The following EPB41L4A variants were observed in gnomAD, a reference collection of about 807,000 sequenced individuals.
The protein encoded by EPB41L4A is erythrocyte membrane protein band 4.1 like 4A, also known as band 4.1-like protein 4A.
Under a neutral mutation model 108.6 loss-of-function variants are expected in EPB41L4A, and 100 were observed. The observed-to-expected ratio is 0.92, with a 90% CI of 0.78 to 1.09. EPB41L4A has a LOEUF of 1.09. Among genes scored for constraint, EPB41L4A ranks in the 50% least tolerant of loss-of-function variants. The pLI, the probability that EPB41L4A is intolerant of heterozygous loss-of-function variation, is 0.00. For missense variants in EPB41L4A, 1,030 were observed against 842.7 expected (o/e 1.22, Z -2.75); for synonymous variants, 319 against 289.0 (o/e 1.10, Z -1.05).
intron 17 of EPB41L4A, chr5:112,192,267 T>C (rs1347810776): frequency 6.6e-6 from 1 of 152,214 alleles, no homozygotes; most frequent in Non-Finnish European, 1.5e-5. Context: ...TCCACCCTCT[T>C]TCTCTGTACA....
rs558042876 is a variant in EPB41L4A at position 112,267,124 on chromosome 5, T to C, written c.336-794A>G. Reference sequence around the variant, plus strand: ...AGTTTTATTTTTTTTCTTATTCAGCTATTCTGCTAGTGGACTGAGAGGGGC... The same window carrying C: ...AGTTTTATTTTTTTTCTTATTCAGCCATTCTGCTAGTGGACTGAGAGGGGC... On this transcript the variant is annotated intron_variant, in intron 4 of 22. Coordinates refer to ENST00000261486, the MANE Select transcript of EPB41L4A (RefSeq NM_022140.5). Among the ~76,000 whole-genome samples the C allele has an allele frequency of 1.6e-4, 24 of 152,310 alleles. No individual in the cohort carries two copies. In the East Asian group the frequency reaches 3.3e-3, roughly 21 times the overall value.
rs201312969 is a variant in EPB41L4A at position 112,264,855 on chromosome 5, C to G, written c.554+41G>C. ...TCTTGTGAATATCAGAAGATGATGA[C>G]TGATGGATGATGCAATAAGACATGG... On this transcript the variant is annotated intron_variant, in intron 6 of 22. Coordinates refer to ENST00000261486, the MANE Select transcript of EPB41L4A (RefSeq NM_022140.5). 1.4e-3 allele frequency: 2,207 copies of G among 1,588,586 alleles called. 4 individuals carry two copies. The highest frequency in any genetic ancestry group is 1.5e-3 in the Non-Finnish European group (1,805 of 1,169,652).
At chr5:112,366,816 A>C (rs562216823) in intron 1 of EPB41L4A, among the ~76,000 whole-genome samples, 1 of 152,230 alleles carries the variant, frequency 6.6e-6, no homozygotes, top group South Asian at 2.1e-4. Flanking sequence ...ACCTTCAGCT[A>C]TTTGCATTTT....
chr5:112,259,340 T>C, intron 8 of EPB41L4A, 48 bp from the exon 9 acceptor site: 1 of 1,503,448 alleles, frequency 6.7e-7, no homozygotes, highest in Non-Finnish European at 9.3e-7. Flanking sequence ...AGTATTAACC[T>C]TTCAGAAAAT....
At chr5:112,240,365 G>A (rs1749679331) in intron 10 of EPB41L4A, among the ~76,000 whole-genome samples, 1 of 152,158 alleles carries the variant, frequency 6.6e-6, no homozygotes, top group African/African-American at 2.4e-5. Context: ...TACCTAGATG[G>A]CTGATAGGCT....
intron 2 of EPB41L4A, among the ~76,000 whole-genome samples, chr5:112,296,852 T>C (rs1055314530): frequency 6.6e-5 from 10 of 152,116 alleles, no homozygotes; most frequent in Admixed American, 2.6e-4. Flanking sequence ...AGTGAGAACA[T>C]ACAATATTTG....
intron 1 of EPB41L4A, among the ~76,000 whole-genome samples, chr5:112,366,935 A>C (rs1401926224): frequency 1.3e-5 from 2 of 152,188 alleles, no homozygotes; most frequent in Non-Finnish European, 2.9e-5. Flanking sequence ...AGTATATCTG[A>C]AAGAAGACAT....
chr5:112,251,378 A>C (rs1446617095), intron 9 of EPB41L4A, among the ~76,000 whole-genome samples: 1 of 152,196 alleles, frequency 6.6e-6, no homozygotes, highest in Non-Finnish European at 1.5e-5. Flanking sequence ...ACTTTTCCTA[A>C]ATATTCAAGC....
chr5:112,416,577 T>C (rs973834815), intron 1 of EPB41L4A, among the ~76,000 whole-genome samples: 5 of 152,172 alleles, frequency 3.3e-5, no homozygotes, highest in African/African-American at 1.2e-4. Flanking sequence ...CTTTAATTAG[T>C]GGTAATCAAA....
At chr5:112,333,621 C>A (rs926980169) in intron 1 of EPB41L4A, among the ~76,000 whole-genome samples, 1 of 152,168 alleles carries the variant, frequency 6.6e-6, no homozygotes. Flanking sequence ...TTTTCTCCCC[C>A]ACTCTCTCCC....
exon 14 of EPB41L4A, chr5:112,143,770 G>A (rs1028282173): frequency 2.2e-5 from 9 of 404,746 alleles, no homozygotes; most frequent in African/African-American, 6.2e-5. Context: ...GGCCCAGCTT[G>A]AGTCACGTGT....
chr5:112,384,927 C>T (rs918552291), intron 1 of EPB41L4A, among the ~76,000 whole-genome samples: 1 of 152,188 alleles, frequency 6.6e-6, no homozygotes, highest in East Asian at 1.9e-4. Flanking sequence ...GCTGAGCAGC[C>T]CCATCCATTT....
intron 1 of EPB41L4A, among the ~76,000 whole-genome samples, chr5:112,405,471 C>A (rs561981340): frequency 6.6e-6 from 1 of 152,266 alleles, no homozygotes; most frequent in East Asian, 1.9e-4. Flanking sequence ...ATAGATAATG[C>A]AGGAGCAAAA....
intron 18 of EPB41L4A, among the ~76,000 whole-genome samples, chr5:112,174,960 C>T (rs1241174276): frequency 2.6e-5 from 4 of 152,164 alleles, no homozygotes; most frequent in Admixed American, 6.5e-5. Context: ...CCCTCCCCCT[C>T]CAAATCAAAG....
chr5:112,161,376 A>T (rs1489772053), downstream of EPB41L4A: 1 of 417,884 alleles, frequency 2.4e-6, no homozygotes, highest in Non-Finnish European at 4.7e-6. Context: ...TCGGATTTTA[A>T]ATCGTGAGAA....
At chr5:112,413,843 G>A (rs1484202730) in intron 1 of EPB41L4A, among the ~76,000 whole-genome samples, 3 of 152,182 alleles carry the variant, frequency 2.0e-5, no homozygotes, top group African/African-American at 7.2e-5. Context: ...CAAGTCACTT[G>A]GACTGGCAGG....
At chr5:112,388,103 T>C (rs977178823) in intron 1 of EPB41L4A, among the ~76,000 whole-genome samples, 1 of 152,062 alleles carries the variant, frequency 6.6e-6, no homozygotes, top group South Asian at 2.1e-4. Flanking sequence ...AATTCACAGA[T>C]CATTAAATTA....
chr5:112,291,905 A>G lies in EPB41L4A; in HGVS notation c.205-11582T>C, dbSNP rs533660619. On this transcript the variant is annotated intron_variant, in intron 2 of 22. Transcript: ENST00000261486. The stretch of plus-strand genomic sequence containing the variant: ...TCTAGCAAATTAATCAAACCCAAAG[A>G]GAAGGTCATGGGAACTCCAACTTGA... Among the ~76,000 whole-genome samples, 12 of 152,338 alleles carry G rather than the reference A, an allele frequency of 7.9e-5. No individual in the cohort carries two copies. The South Asian group carries it at 1.2e-3, about 16-fold the overall frequency.
At chr5:112,354,267 G>A (rs1015651985) in intron 1 of EPB41L4A, among the ~76,000 whole-genome samples, 1 of 152,174 alleles carries the variant, frequency 6.6e-6, no homozygotes, top group Non-Finnish European at 1.5e-5. Flanking sequence ...GCTTATGACA[G>A]CTACAGGGGA....
Sources: gnomAD v4.1 joint callset for allele counts (sites outside exome capture counted in the v4.1 genomes callset) on GRCh38, gnomAD v4.1.1 for gene constraint, MANE v1.5 for transcripts, NCBI Gene and HGNC (gene_info 2026-07-23, HGNC 2026-07-21) for gene names.